RBFOX1: variants seen among roughly 807,000 people sequenced by gnomAD.
RBFOX1 encodes the protein RNA binding fox-1 homolog 1, also known as RNA binding protein fox-1 homolog 1.
In RBFOX1, 8 loss-of-function variants were observed where a neutral mutation model predicts 57.7. The observed-to-expected ratio is 0.14, with a 90% CI of 0.08 to 0.25. RBFOX1 has a LOEUF of 0.25. Ranked by LOEUF, RBFOX1 falls within the 10% of genes least tolerant of loss-of-function variation. The pLI, the probability that RBFOX1 is intolerant of heterozygous loss-of-function variation, is 1.00. For synonymous variants in RBFOX1, 326 were observed against 222.4 expected (o/e 1.47, Z -4.15); for missense variants, 611 against 548.5 (o/e 1.11, Z -1.14).
intron 3 of RBFOX1, among the ~76,000 whole-genome samples, chr16:5,718,771 T>G (rs1232423642): frequency 6.6e-6 from 1 of 152,104 alleles, no homozygotes; most frequent in East Asian, 1.9e-4. Flanking sequence ...AGCCGGGGCA[T>G]AGTCGTGGGT....
At chr16:5,339,598 T>G (rs1436259469) in intron 1 of RBFOX1, among the ~76,000 whole-genome samples, 1 of 148,532 alleles carries the variant, frequency 6.7e-6, no homozygotes. Flanking sequence ...TTCTCCTTCC[T>G]CACCTTCCTG....
rs59244306 is a variant in RBFOX1, at chr16:6,239,485, CTTTTTTT to C, written c.-126-77487_-126-77481del. On this transcript the variant is annotated intron_variant, in intron 1 of 15. Coordinates refer to ENST00000550418, the MANE Select transcript of RBFOX1 (RefSeq NM_018723.4). ...ATAACTTATTCTTCTCCAACTGACT[CTTTTTTT>C]TTTTTTTTTTTTTTTTTTTTTTCTG... Among the ~76,000 whole-genome samples, 18 of 67,802 alleles carry C rather than the reference CTTTTTTT, an allele frequency of 2.7e-4. No homozygotes were observed. The East Asian group carries it at 6.9e-3, about 26-fold the overall frequency. 44.5% of individuals were successfully genotyped at this position (67,802 alleles called of 152,430 possible).
chr16:6,782,279 T>C (rs1005897873), intron 3 of RBFOX1, among the ~76,000 whole-genome samples: 1 of 152,126 alleles, frequency 6.6e-6, no homozygotes, highest in South Asian at 2.1e-4. Context: ...TGTTTTGTTT[T>C]CCTTTTTTGA....
chr16:7,060,984 G>C (rs2054068637), intron 4 of RBFOX1, among the ~76,000 whole-genome samples: 2 of 152,072 alleles, frequency 1.3e-5, no homozygotes, highest in South Asian at 2.1e-4. Flanking sequence ...ATTCAGGCCT[G>C]AGATCTTCAT....
chr16:6,590,067 T>A (rs1284298870), intron 2 of RBFOX1, among the ~76,000 whole-genome samples: 4 of 152,204 alleles, frequency 2.6e-5, no homozygotes, highest in African/African-American at 9.6e-5. Flanking sequence ...AGAGAAAAGA[T>A]AACTGAAACA....
rs952511524 is a variant in RBFOX1, at chr16:6,908,081, A to G, written c.-15-143976A>G. The stretch of plus-strand genomic sequence containing the variant: ...ATCTTCTGCAGAGACCCCATTTCCA[A>G]TAAGGTCACATTCACAGCTACTGGG... On this transcript the variant is annotated intron_variant, in intron 3 of 15. Coordinates refer to ENST00000550418, the MANE Select transcript of RBFOX1 (RefSeq NM_018723.4). Among the ~76,000 whole-genome samples the G allele has an allele frequency of 5.9e-4, 89 of 151,844 alleles. 1 individual carries two copies. The highest frequency in any genetic ancestry group is 2.0e-3 in the African/African-American group (81 of 41,492).
intron 2 of RBFOX1, among the ~76,000 whole-genome samples, chr16:5,548,903 C>A (rs928109290): frequency 6.6e-6 from 1 of 152,080 alleles, no homozygotes; most frequent in Non-Finnish European, 1.5e-5. Context: ...AGGGGCACTT[C>A]CGCAAAAAAA....
chr16:7,126,757 G>C (rs1055637488), intron 4 of RBFOX1: 4 of 152,116 alleles, frequency 2.6e-5, no homozygotes, highest in Admixed American at 2.0e-4. Flanking sequence ...GAGAGGCTGA[G>C]GCGGGCAGAT....
intron 3 of RBFOX1, among the ~76,000 whole-genome samples, chr16:6,853,211 C>T (rs1202306320): frequency 6.6e-6 from 1 of 152,078 alleles, no homozygotes; most frequent in African/African-American, 2.4e-5. Flanking sequence ...ACCCTTAGGG[C>T]TTTTGTGAGC....
chr16:7,103,714 C>A (rs976621495), intron 4 of RBFOX1, among the ~76,000 whole-genome samples: 1 of 152,136 alleles, frequency 6.6e-6, no homozygotes, highest in Non-Finnish European at 1.5e-5. Flanking sequence ...GAATATGCCT[C>A]ATACAGGACA....
In RBFOX1 at chr16:6,687,828, C is replaced by T. The variant is rs571446702; in HGVS notation, c.-16+33178C>T. On this transcript the variant is annotated intron_variant, in intron 3 of 15. Transcript: ENST00000550418. ...CTAGAACAAGTCACATGGGCCCAAC[C>T]TAACTCCAAAGGAGTCTGGGAAATG... Among the ~76,000 whole-genome samples the T allele has an allele frequency of 2.0e-5, 3 of 152,286 alleles. No individual in the cohort carries two copies. The East Asian group carries it at 5.8e-4, about 29-fold the overall frequency.
intron 3 of RBFOX1, among the ~76,000 whole-genome samples, chr16:6,817,253 G>A (rs916690402): frequency 5.9e-5 from 9 of 152,032 alleles, no homozygotes; most frequent in Non-Finnish European, 1.0e-4. Context: ...CAGACACCCA[G>A]GTAACATACT....
At chr16:6,767,410 A>C (rs867811371) in intron 3 of RBFOX1, among the ~76,000 whole-genome samples, 2 of 152,202 alleles carry the variant, frequency 1.3e-5, no homozygotes, top group Non-Finnish European at 2.9e-5. Context: ...CTGAGTTCCA[A>C]TTCTCTGAAT....
At chr16:7,676,873 T>C (rs113601244) in intron 14 of RBFOX1, 35 bp downstream of exon 14, 2 of 1,567,398 alleles carry the variant, frequency 1.3e-6, no homozygotes. Context: ...GACAACTACT[T>C]GTAAATTAAC....
intron 3 of RBFOX1, among the ~76,000 whole-genome samples, chr16:5,722,934 G>T (rs1410208241): frequency 6.6e-6 from 1 of 151,998 alleles, no homozygotes. Context: ...TTTAATGATC[G>T]GTTTGGTGTT....
intron 3 of RBFOX1, among the ~76,000 whole-genome samples, chr16:6,823,480 C>A (rs573293014): frequency 1.3e-5 from 2 of 152,084 alleles, no homozygotes; most frequent in African/African-American, 4.8e-5. Flanking sequence ...TAGTCTCAAA[C>A]TACTGGTCTC....
At chr16:7,568,952 C>G (rs906503120) in intron 5 of RBFOX1, among the ~76,000 whole-genome samples, 8 of 151,348 alleles carry the variant, frequency 5.3e-5, no homozygotes, top group African/African-American at 1.9e-4. Flanking sequence ...AGGTCTCAGC[C>G]TCATTTTATC....
intron 10 of RBFOX1, among the ~76,000 whole-genome samples, chr16:7,615,642 T>G (rs1185389093): frequency 2.6e-5 from 4 of 152,150 alleles, no homozygotes; most frequent in African/African-American, 9.7e-5. Context: ...TTAGTGATTC[T>G]TAATATGGAG....
At chr16:6,735,443 G>A (rs2069932366) in intron 3 of RBFOX1, among the ~76,000 whole-genome samples, 6 of 152,298 alleles carry the variant, frequency 3.9e-5, no homozygotes, top group Admixed American at 3.3e-4. Context: ...TTCTGTCTTA[G>A]TCTCTGCAGT....
Sources: gnomAD v4.1 joint callset for allele counts (sites outside exome capture counted in the v4.1 genomes callset) on GRCh38, gnomAD v4.1.1 for gene constraint, MANE v1.5 for transcripts, NCBI Gene and HGNC (gene_info 2026-07-23, HGNC 2026-07-21) for gene names.